The following CHST15 variants were observed in gnomAD, a reference collection of about 807,000 sequenced individuals.
The protein encoded by CHST15 is B cell RAG associated protein (GALNAC4S-6ST).
Under a neutral mutation model 53.6 loss-of-function variants are expected in CHST15, and 30 were observed. That is an observed-to-expected ratio of 0.56 (90% CI 0.42 to 0.76). The LOEUF (loss-of-function observed/expected upper bound fraction) is 0.76. Among genes scored for constraint, CHST15 ranks in the 30% least tolerant of loss-of-function variants. CHST15 has a pLI of 0.00. For missense variants in CHST15, 627 were observed against 740.5 expected (o/e 0.85, Z 1.78); for synonymous variants, 296 against 289.8 (o/e 1.02, Z -0.22).
chr10:124,064,794 T>A (rs1046793365), intron 1 of CHST15, among the ~76,000 whole-genome samples: 1 of 151,898 alleles, frequency 6.6e-6, no homozygotes, highest in African/African-American at 2.4e-5. Context: ...TCGCTCTTGC[T>A]CACCCTTCAG....
intron 1 of CHST15, among the ~76,000 whole-genome samples, chr10:124,048,007 G>T (rs893293246): frequency 6.6e-6 from 1 of 152,184 alleles, no homozygotes; most frequent in Non-Finnish European, 1.5e-5. Context: ...AGATCGCCAT[G>T]TACTGGCTGA....
rs144397147 is a variant in CHST15 at position 124,031,325 on chromosome 10, C to T, written c.1190+7190G>A. ...ATAAATACAGCCAGGCGTCACTTAA[C>T]AGCAGGGATATATATGTTCTGAGAA... On this transcript the variant is annotated intron_variant, in intron 5 of 7. Coordinates refer to ENST00000435907, the MANE Select transcript of CHST15 (RefSeq NM_001270764.2). Among the ~76,000 whole-genome samples the T allele has an allele frequency of 5.7e-3, 861 of 152,312 alleles. 7 individuals carry two copies. The highest frequency in any genetic ancestry group is 5.0e-3 in the Non-Finnish European group (342 of 68,022).
chr10:124,065,100 T>C (rs1156460780), intron 1 of CHST15, among the ~76,000 whole-genome samples: 1 of 152,188 alleles, frequency 6.6e-6, no homozygotes, highest in Non-Finnish European at 1.5e-5. Flanking sequence ...ATTTAAAATT[T>C]GGGCTGAGCG....
chr10:124,056,126 C>A (rs1451225472), intron 1 of CHST15, among the ~76,000 whole-genome samples: 1 of 152,220 alleles, frequency 6.6e-6, no homozygotes. Flanking sequence ...CTCAGTCTTC[C>A]ACCATCCCTC....
At chr10:124,032,684 T>A (rs541931684) in intron 5 of CHST15, among the ~76,000 whole-genome samples, 54 of 152,272 alleles carry the variant, frequency 3.5e-4, no homozygotes, top group Non-Finnish European at 6.9e-4. Context: ...TAGGAATGCA[T>A]CAAGCTAGTT....
rs142462902 is a variant in CHST15, at chr10:124,061,977, A to G, written c.-512-15253T>C. On this transcript the variant is annotated intron_variant, in intron 1 of 7. Coordinates refer to ENST00000435907, the MANE Select transcript of CHST15 (RefSeq NM_001270764.2). Reference sequence around the variant, plus strand: ...CCTTTCTCAAGTTATCTTTGAATTAATAACATCTTTCCTCCAGACATACTA... The same window carrying G: ...CCTTTCTCAAGTTATCTTTGAATTAGTAACATCTTTCCTCCAGACATACTA... Among the ~76,000 whole-genome samples, 1,473 of 151,898 alleles carry G rather than the reference A, an allele frequency of 9.7e-3. 20 individuals carry two copies. Among genetic ancestry groups the G allele is most frequent in the African/African-American group, 0.033 (1,374 of 41,358 alleles).
chr10:124,050,599 C>T (rs1028215256), intron 1 of CHST15, among the ~76,000 whole-genome samples: 2 of 152,154 alleles, frequency 1.3e-5, no homozygotes, highest in African/African-American at 4.8e-5. Context: ...GTCAGTGCCC[C>T]CTGGGGTGCA....
Position 124,021,236 on chromosome 10 carries a change from C to CGGGGGGGGG in CHST15, c.1347+11_1347+19dup. The CGGGGGGGGG allele has an allele frequency of 7.8e-7, 1 of 1,286,772 alleles. No homozygotes were observed. The highest frequency in any genetic ancestry group is 1.3e-5 in the South Asian group (1 of 75,480). 79.7% of individuals were successfully genotyped at this position (1,286,772 alleles called of 1,614,324 possible). On this transcript the variant is annotated intron_variant, in intron 6 of 7. Coordinates refer to ENST00000435907, the MANE Select transcript of CHST15 (RefSeq NM_001270764.2). ...CTGCCAGGGGCCAGCTCGGGGGGTA[C>CGGGGGGGGG]GGGGGGGGGGGGTACACACAGGCAT...
intron 1 of CHST15, among the ~76,000 whole-genome samples, chr10:124,047,789 C>T (rs1245798134): frequency 1.3e-5 from 2 of 152,138 alleles, no homozygotes; most frequent in Non-Finnish European, 2.9e-5. Context: ...ATAGCATCAT[C>T]AACTATTATG....
intron 4 of CHST15, among the ~76,000 whole-genome samples, chr10:124,041,563 G>A (rs1947742386): frequency 6.6e-6 from 1 of 151,906 alleles, no homozygotes; most frequent in Admixed American, 6.6e-5. Context: ...CACACACAAA[G>A]GTAACTGTGA....
intron 1 of CHST15, among the ~76,000 whole-genome samples, chr10:124,086,842 C>A (rs28545319): frequency 2.6e-3 from 399 of 152,316 alleles, no homozygotes; most frequent in African/African-American, 9.3e-3. Flanking sequence ...GAGATGCAAG[C>A]TAAGCCACTT....
chr10:124,015,674 C>T (rs940412080), intron 6 of CHST15, among the ~76,000 whole-genome samples: 4 of 152,228 alleles, frequency 2.6e-5, no homozygotes, highest in Admixed American at 2.0e-4. Flanking sequence ...AAGCTGAGCT[C>T]GTGCCACCAT....
At chr10:124,069,947 C>A (rs1339962572) in intron 1 of CHST15, among the ~76,000 whole-genome samples, 3 of 152,168 alleles carry the variant, frequency 2.0e-5, no homozygotes, top group Non-Finnish European at 4.4e-5. Context: ...TGTCACTGTG[C>A]CTCCCTTTAG....
chr10:124,014,395 A>G (rs2133828515), intron 6 of CHST15, among the ~76,000 whole-genome samples: 1 of 152,358 alleles, frequency 6.6e-6, no homozygotes, highest in African/African-American at 2.4e-5. Context: ...AGGAGGATGG[A>G]GAGGAAGAAA....
At chr10:124,027,787 C>T (rs1025978598) in intron 5 of CHST15, among the ~76,000 whole-genome samples, 7 of 152,146 alleles carry the variant, frequency 4.6e-5, no homozygotes, top group Non-Finnish European at 8.8e-5. Flanking sequence ...CCCATGGTCA[C>T]GCAGCCCAGG....
intron 1 of CHST15, among the ~76,000 whole-genome samples, chr10:124,059,196 G>A (rs985858700): frequency 1.3e-5 from 2 of 152,166 alleles, no homozygotes; most frequent in Admixed American, 1.3e-4. Flanking sequence ...ATTGTTCCAT[G>A]GGTGCAGTGA....
intron 5 of CHST15, among the ~76,000 whole-genome samples, chr10:124,035,976 C>G (rs530042803): frequency 3.8e-4 from 58 of 152,238 alleles, no homozygotes; most frequent in Non-Finnish European, 4.0e-4. Flanking sequence ...AGATGGGCCC[C>G]CACCTCTCTG....
At chr10:124,038,493 A>G (rs1947607850) in intron 5 of CHST15, 22 bp downstream of exon 5, 1 of 1,610,560 alleles carries the variant, frequency 6.2e-7, no homozygotes, top group African/African-American at 1.3e-5. Flanking sequence ...CACCCCAAAT[A>G]CAACACACAG....
chr10:124,068,803 G>C (rs189517612), intron 1 of CHST15, among the ~76,000 whole-genome samples: 66 of 152,234 alleles, frequency 4.3e-4, no homozygotes, highest in African/African-American at 1.6e-3. Context: ...GGAAAATAGT[G>C]ATTTTTAAAG....
Sources: gnomAD v4.1 joint callset for allele counts (sites outside exome capture counted in the v4.1 genomes callset) on GRCh38, gnomAD v4.1.1 for gene constraint, MANE v1.5 for transcripts, NCBI Gene and HGNC (gene_info 2026-07-23, HGNC 2026-07-21) for gene names.